LPIN2: variants seen among roughly 807,000 people sequenced by gnomAD.
The protein encoded by LPIN2 is lipin 2, also known as phosphatidate phosphatase LPIN2.
A neutral mutation model predicts 111.4 loss-of-function variants in LPIN2; 55 were observed. The observed-to-expected ratio is 0.49, with a 90% CI of 0.40 to 0.62. The LOEUF (loss-of-function observed/expected upper bound fraction) is 0.62. Ranked by LOEUF, LPIN2 falls within the 20% of genes least tolerant of loss-of-function variation. LPIN2 has a pLI of 0.00. For missense variants in LPIN2, 992 were observed against 1,112.1 expected (o/e 0.89, Z 1.54); for synonymous variants, 425 against 414.0 (o/e 1.03, Z -0.32).
rs542844398 is a variant in LPIN2 at position 3,005,970 on chromosome 18, G to A, written c.-10+7117C>T. 2.0e-5 allele frequency among the ~76,000 whole-genome samples: 3 copies of A among 152,190 alleles called. No individual in the cohort carries two copies. In the East Asian group the frequency reaches 5.8e-4, roughly 29 times the overall value. On this transcript the variant is annotated intron_variant, in intron 1 of 19. Coordinates refer to ENST00000677752, the MANE Select transcript of LPIN2 (RefSeq NM_001375808.2). Reference sequence around the variant, plus strand: ...GAACTGTCAGAGTCCTTGGGCAGTGGGGCAGCATAGGAACAAGGCAATGTG... The same window carrying A: ...GAACTGTCAGAGTCCTTGGGCAGTGAGGCAGCATAGGAACAAGGCAATGTG...
At chr18:2,941,533 T>C (rs537163756) in intron 4 of LPIN2, among the ~76,000 whole-genome samples, 1 of 152,340 alleles carries the variant, frequency 6.6e-6, no homozygotes, top group Admixed American at 6.5e-5. Context: ...TTTTCATCTT[T>C]ACTTGGAAAT....
At chr18:2,980,688 A>AAGCT (rs1555605319) in intron 1 of LPIN2, among the ~76,000 whole-genome samples, 1 of 152,186 alleles carries the variant, frequency 6.6e-6, no homozygotes, top group Non-Finnish European at 1.5e-5. Context: ...GAGTCCCCTG[A>AAGCT]AGCTGGTGAG....
chr18:2,923,208 G>A (rs1169838462), intron 16 of LPIN2, among the ~76,000 whole-genome samples: 1 of 151,998 alleles, frequency 6.6e-6, no homozygotes, highest in Non-Finnish European at 1.5e-5. Context: ...ATCACCTGAG[G>A]TTCGGAGTTC....
intron 1 of LPIN2, among the ~76,000 whole-genome samples, chr18:2,999,935 T>A (rs1487071013): frequency 6.6e-6 from 1 of 151,862 alleles, no homozygotes; most frequent in East Asian, 1.9e-4. Context: ...TCACCTGTAA[T>A]CCCAGCACTT....
rs1567852820 is a variant in LPIN2 at position 2,982,641 on chromosome 18, G to A, written c.-9-21792C>T. 4 of 1,108,010 alleles carry A rather than the reference G, an allele frequency of 3.6e-6. No homozygotes were observed. In the Admixed American group the frequency reaches 9.2e-5, roughly 26 times the overall value. 68.6% of individuals were successfully genotyped at this position (1,108,010 alleles called of 1,614,324 possible). Reference sequence around the variant, plus strand: ...CCAGATTGAGCAAGCAGCGAAGGGAGCAGGGACATTGGGAGATGTAACTCA... The same window carrying A: ...CCAGATTGAGCAAGCAGCGAAGGGAACAGGGACATTGGGAGATGTAACTCA... On this transcript the variant is annotated intron_variant, in intron 1 of 19. Coordinates refer to ENST00000677752, the MANE Select transcript of LPIN2 (RefSeq NM_001375808.2).
Position 2,926,798 on chromosome 18 carries a change from T to A in LPIN2, c.1718A>T (p.Glu573Val). The A allele has an allele frequency of 6.2e-7, 1 of 1,613,820 alleles. No individual in the cohort carries two copies. The highest frequency in any genetic ancestry group is 8.5e-7 in the Non-Finnish European group (1 of 1,179,970). The change falls in exon 13 of 20, where the codon GAA (glutamate) becomes GTA (valine). Residue 573 changes from glutamate to valine, a missense_variant. Glu to Val is a moderately radical substitution (Grantham distance 121). Coordinates refer to ENST00000677752, the MANE Select transcript of LPIN2 (RefSeq NM_001375808.2). Reference protein sequence around the residue: ...KRESMTKQLPESKEGKSEAPP... With the variant: ...KRESMTKQLPVSKEGKSEAPP... The stretch of plus-strand genomic sequence containing the variant: ...TGCCTCAGATTTTCCCTCCTTGGAT[T>A]CTGGCAGCTGTAACAGCAAGATGAT...
chr18:2,919,890 C>T lies in LPIN2; in HGVS notation c.*403G>A, dbSNP rs1242373687. 1.0e-5 allele frequency: 3 copies of T among 296,268 alleles called. No individual in the cohort carries two copies. Among genetic ancestry groups the T allele is most frequent in the African/African-American group, 4.3e-5 (2 of 46,162 alleles). 18.4% of individuals were successfully genotyped at this position (296,268 alleles called of 1,614,324 possible). On this transcript the variant is annotated 3_prime_UTR_variant, in exon 20 of 20. Coordinates refer to ENST00000677752, the MANE Select transcript of LPIN2 (RefSeq NM_001375808.2). ...AGGGACCCTGACATCTGAAGACAGC[C>T]CTGGTTACAGAAGCCACCTCAACTG...
At chr18:2,938,320 T>TC (rs1483612036) in intron 6 of LPIN2, among the ~76,000 whole-genome samples, 3 of 152,164 alleles carry the variant, frequency 2.0e-5, no homozygotes, top group Non-Finnish European at 4.4e-5. Flanking sequence ...GGTCAGGAGT[T>TC]CGAGATTAGC....
At chr18:2,980,143 G>C (rs1158985151) in intron 1 of LPIN2, among the ~76,000 whole-genome samples, 1 of 152,138 alleles carries the variant, frequency 6.6e-6, no homozygotes, top group Non-Finnish European at 1.5e-5. Flanking sequence ...GAAAATGTTT[G>C]TCTCAAAAAT....
chr18:2,997,828 T>C (rs2078368738), intron 1 of LPIN2, among the ~76,000 whole-genome samples: 1 of 152,240 alleles, frequency 6.6e-6, no homozygotes. Flanking sequence ...TTCTTGCTTT[T>C]AGCTCTCAAG....
Position 3,000,459 on chromosome 18 carries a change from G to A in LPIN2, c.-10+12628C>T, listed in dbSNP as rs117064925. The stretch of plus-strand genomic sequence containing the variant: ...TGTGGGCTCCACCTATGGCAGTCAC[G>A]ACAGAAACATGCTAATAATAGACAA... On this transcript the variant is annotated intron_variant, in intron 1 of 19. Coordinates refer to ENST00000677752, the MANE Select transcript of LPIN2 (RefSeq NM_001375808.2). 7.5e-4 allele frequency among the ~76,000 whole-genome samples: 114 copies of A among 152,324 alleles called. 1 individual carries two copies. In the East Asian group the frequency reaches 0.02, roughly 27 times the overall value.
chr18:2,943,336 A>G (rs569323102), intron 4 of LPIN2, among the ~76,000 whole-genome samples: 1 of 152,080 alleles, frequency 6.6e-6, no homozygotes, highest in South Asian at 2.1e-4. Context: ...TATTATTCAG[A>G]TTTTTATCTG....
chr18:2,926,934 C>T (rs2077141383), intron 12 of LPIN2, 129 bp from the exon 13 acceptor site: 2 of 743,846 alleles, frequency 2.7e-6, no homozygotes, highest in Non-Finnish European at 2.4e-6. Flanking sequence ...GCTCAAAAAC[C>T]AGACTTTCTC....
chr18:2,974,865 G>A (rs986081711), intron 1 of LPIN2, among the ~76,000 whole-genome samples: 4 of 152,106 alleles, frequency 2.6e-5, no homozygotes, highest in African/African-American at 4.8e-5. Flanking sequence ...GTGTGGTGGC[G>A]CATGCCTGTA....
Position 2,934,533 on chromosome 18 carries a change from T to C in LPIN2, c.1169-83A>G, listed in dbSNP as rs2077258688. The stretch of plus-strand genomic sequence containing the variant: ...AAAACACACGCACGTTTGCAAACAG[T>C]AAGAGTGACAAGCAGGATTTGAATA... On this transcript the variant is annotated intron_variant, in intron 7 of 19. Transcript: ENST00000677752. The C allele has an allele frequency of 4.6e-6, 4 of 867,416 alleles. No individual in the cohort carries two copies. The Admixed American group carries it at 5.5e-5, about 12-fold the overall frequency. 53.7% of individuals were successfully genotyped at this position (867,416 alleles called of 1,614,324 possible). A position where few individuals can be genotyped will look rare whatever the true frequency, so the allele number is the denominator to read the frequency against.
chr18:2,982,724 C>T (rs921758432), intron 1 of LPIN2: 2 of 1,303,568 alleles, frequency 1.5e-6, no homozygotes, highest in African/African-American at 3.0e-5. Context: ...CTTAATGAGC[C>T]TTTACAAACC....
At chr18:2,994,193 G>A (rs916179203) in intron 1 of LPIN2, among the ~76,000 whole-genome samples, 12 of 152,218 alleles carry the variant, frequency 7.9e-5, no homozygotes, top group African/African-American at 2.7e-4. Flanking sequence ...CCTGGGTCCT[G>A]CACTTTAGAA....
intron 4 of LPIN2, among the ~76,000 whole-genome samples, chr18:2,944,258 T>C (rs776351539): frequency 2.7e-5 from 4 of 150,280 alleles, no homozygotes; most frequent in Non-Finnish European, 5.9e-5. Context: ...AAACAAGCTA[T>C]TTTATTTAAC....
chr18:2,941,820 G>A (rs549258076), intron 4 of LPIN2, among the ~76,000 whole-genome samples: 2 of 152,292 alleles, frequency 1.3e-5, no homozygotes, highest in East Asian at 3.9e-4. Flanking sequence ...AGCTACTTGG[G>A]AGGCTAAGGC....
Sources: gnomAD v4.1 joint callset for allele counts (sites outside exome capture counted in the v4.1 genomes callset) on GRCh38, gnomAD v4.1.1 for gene constraint, MANE v1.5 for transcripts, NCBI Gene and HGNC (gene_info 2026-07-23, HGNC 2026-07-21) for gene names.